The following CNTNAP2 variants were observed in gnomAD, a reference collection of about 807,000 sequenced individuals.
CNTNAP2 encodes the protein contactin associated protein 2, also known as contactin-associated protein-like 2.
CNTNAP2 carries 98 observed loss-of-function variants against 155.2 expected under a neutral mutation model. That is an observed-to-expected ratio of 0.63 (90% CI 0.54 to 0.75). CNTNAP2 has a LOEUF of 0.75. Ranked by LOEUF, CNTNAP2 falls within the 30% of genes least tolerant of loss-of-function variation. CNTNAP2 has a pLI of 0.00. For missense variants in CNTNAP2, 1,727 were observed against 1,688.1 expected (o/e 1.02, Z -0.40); for synonymous variants, 651 against 631.2 (o/e 1.03, Z -0.47).
At chr7:146,972,825 T>G (rs1797830062) in intron 3 of CNTNAP2, among the ~76,000 whole-genome samples, 1 of 152,156 alleles carries the variant, frequency 6.6e-6, no homozygotes, top group African/African-American at 2.4e-5. Context: ...AGAGAAAAAC[T>G]GATTTGGTTG....
At chr7:146,920,287 G>A (rs1238082154) in intron 3 of CNTNAP2, among the ~76,000 whole-genome samples, 3 of 151,958 alleles carry the variant, frequency 2.0e-5, no homozygotes, top group African/African-American at 4.8e-5. Flanking sequence ...GGTGGCAGGT[G>A]CCTGTAATCT....
At position 148,417,027 on chromosome 7, in the gene CNTNAP2, A is replaced by C. The variant is rs1167600926; in HGVS notation, c.*1411A>C. ...TTTTTAAACAGATTACACAAAAATTATTTCCAGAAAGGCTACCATTTATCA... is the reference window on the plus strand; with the variant it reads ...TTTTTAAACAGATTACACAAAAATTCTTTCCAGAAAGGCTACCATTTATCA... On this transcript the variant is annotated 3_prime_UTR_variant, in exon 24 of 24. Coordinates refer to ENST00000361727, the MANE Select transcript of CNTNAP2 (RefSeq NM_014141.6). The C allele has an allele frequency of 6.6e-6, 1 of 152,022 alleles. No homozygotes were observed. The highest frequency in any genetic ancestry group is 6.5e-5 in the Admixed American group (1 of 15,274). 9.4% of individuals were successfully genotyped at this position (152,022 alleles called of 1,614,324 possible).
chr7:146,580,549 A>G (rs1261169802), intron 1 of CNTNAP2, among the ~76,000 whole-genome samples: 1 of 151,912 alleles, frequency 6.6e-6, no homozygotes, highest in Non-Finnish European at 1.5e-5. Context: ...ATTAGAAACA[A>G]ACCACATTTT....
intron 4 of CNTNAP2, among the ~76,000 whole-genome samples, chr7:147,105,114 T>G (rs977550600): frequency 6.6e-6 from 1 of 151,468 alleles, no homozygotes; most frequent in African/African-American, 2.4e-5. Flanking sequence ...AGCAAAGATA[T>G]CTTTTAAAAT....
At chr7:148,264,758 G>T (rs987368927) in intron 20 of CNTNAP2, among the ~76,000 whole-genome samples, 1 of 152,030 alleles carries the variant, frequency 6.6e-6, no homozygotes, top group East Asian at 1.9e-4. Context: ...GCAGTGGCGC[G>T]ATCTCGGCTC....
intron 1 of CNTNAP2, among the ~76,000 whole-genome samples, chr7:146,139,682 A>C (rs1797849925): frequency 6.6e-6 from 1 of 152,142 alleles, no homozygotes; most frequent in African/African-American, 2.4e-5. Context: ...TATTTTAAAA[A>C]ATATTAATTT....
chr7:146,503,341 G>A (rs1322012062), intron 1 of CNTNAP2, among the ~76,000 whole-genome samples: 1 of 152,120 alleles, frequency 6.6e-6, no homozygotes, highest in Non-Finnish European at 1.5e-5. Context: ...TTTGAATATG[G>A]CCCAGTACAA....
At chr7:146,909,072 C>T (rs1019624814) in intron 3 of CNTNAP2, among the ~76,000 whole-genome samples, 23 of 152,002 alleles carry the variant, frequency 1.5e-4, no homozygotes, top group East Asian at 5.8e-4. Flanking sequence ...ACACATTCCT[C>T]GACACATACA....
At chr7:147,415,623 T>G (rs1227004720) in intron 10 of CNTNAP2, among the ~76,000 whole-genome samples, 1 of 152,204 alleles carries the variant, frequency 6.6e-6, no homozygotes, top group African/African-American at 2.4e-5. Flanking sequence ...ATTACACCTC[T>G]TTCCTTTATA....
At chr7:147,799,917 A>G (rs1353357145) in intron 13 of CNTNAP2, among the ~76,000 whole-genome samples, 16 of 152,218 alleles carry the variant, frequency 1.1e-4, no homozygotes, top group Non-Finnish European at 8.8e-5. Context: ...TTGCCGTTAA[A>G]TCTTTCAGTG....
chr7:148,024,047 G>T (rs1802331668), intron 15 of CNTNAP2, among the ~76,000 whole-genome samples: 1 of 149,408 alleles, frequency 6.7e-6, no homozygotes, highest in Non-Finnish European at 1.5e-5. Context: ...ACATCTAGAA[G>T]TAGACAGTGT....
chr7:147,603,036 T>C (rs1028951678), intron 12 of CNTNAP2, among the ~76,000 whole-genome samples: 1 of 151,994 alleles, frequency 6.6e-6, no homozygotes, highest in Non-Finnish European at 1.5e-5. Flanking sequence ...GTATTTCTAG[T>C]TCTAGATCCC....
At chr7:148,053,997 G>A (rs1459011301) in intron 15 of CNTNAP2, among the ~76,000 whole-genome samples, 3 of 136,642 alleles carry the variant, frequency 2.2e-5, no homozygotes, top group Non-Finnish European at 3.1e-5. Flanking sequence ...TTTCAAGACA[G>A]AGTCTAGCTC....
chr7:146,629,942 A>G (rs1450392560), intron 1 of CNTNAP2, among the ~76,000 whole-genome samples: 1 of 152,148 alleles, frequency 6.6e-6, no homozygotes, highest in African/African-American at 2.4e-5. Flanking sequence ...ATAGTTAAGA[A>G]ATTTTATTTT....
At chr7:146,223,617 A>T (rs778343660) in intron 1 of CNTNAP2, among the ~76,000 whole-genome samples, 1 of 152,152 alleles carries the variant, frequency 6.6e-6, no homozygotes, top group Non-Finnish European at 1.5e-5. Context: ...GGCAATCTTG[A>T]CTCTAGACAA....
intron 1 of CNTNAP2, among the ~76,000 whole-genome samples, chr7:146,406,421 T>G (rs1237063209): frequency 6.6e-6 from 1 of 152,212 alleles, no homozygotes; most frequent in Non-Finnish European, 1.5e-5. Context: ...GGTTGAGGAT[T>G]TTTGAACATG....
chr7:147,738,011 C>T (rs1381313453), intron 13 of CNTNAP2, among the ~76,000 whole-genome samples: 2 of 152,196 alleles, frequency 1.3e-5, no homozygotes, highest in African/African-American at 4.8e-5. Context: ...GCTCGGTGCC[C>T]TGCACCCACT....
intron 15 of CNTNAP2, among the ~76,000 whole-genome samples, chr7:148,019,904 C>A (rs1802251791): frequency 6.6e-6 from 1 of 152,092 alleles, no homozygotes; most frequent in African/African-American, 2.4e-5. Flanking sequence ...CCTCCCTCAG[C>A]CTCCCAAGTA....
At chr7:147,358,685 A>T (rs1221745592) in intron 9 of CNTNAP2, among the ~76,000 whole-genome samples, 1 of 152,172 alleles carries the variant, frequency 6.6e-6, no homozygotes. Flanking sequence ...AATTAAAAAA[A>T]AAGCAAATTT....
Sources: gnomAD v4.1 joint callset for allele counts (sites outside exome capture counted in the v4.1 genomes callset) on GRCh38, gnomAD v4.1.1 for gene constraint, MANE v1.5 for transcripts, NCBI Gene and HGNC (gene_info 2026-07-23, HGNC 2026-07-21) for gene names.